Variants in AARS1 observed in about 807,000 individuals in gnomAD.
AARS1 encodes alanine--tRNA ligase, cytoplasmic.
AARS1 carries 72 observed loss-of-function variants against 108.9 expected under a neutral mutation model. The ratio of observed to expected loss-of-function variants is 0.66; its 90% CI spans 0.55 to 0.80. AARS1 has a LOEUF of 0.80. Among genes scored for constraint, AARS1 ranks in the 30% least tolerant of loss-of-function variants. The pLI is 0.00. For synonymous variants in AARS1, 489 were observed against 465.7 expected, an observed-to-expected ratio of 1.05 and a Z score of -0.64; for missense variants, 1,193 against 1,233.2, an observed-to-expected ratio of 0.97 and a Z score of 0.49.
At chr16:70,263,786 G>A (rs1450622871) in intron 11 of AARS1, among the ~76,000 whole-genome samples, 1 of 151,446 alleles carries the variant, frequency 6.6e-6, no homozygotes, top group Non-Finnish European at 1.5e-5. Flanking sequence ...ACAGGCATGC[G>A]CCACCACACC....
At chr16:70,269,124 G>C (rs957692031) in intron 7 of AARS1, among the ~76,000 whole-genome samples, 5 of 151,938 alleles carry the variant, frequency 3.3e-5, no homozygotes, top group African/African-American at 7.2e-5. Context: ...GGGAGTTTGA[G>C]ACCAGCCTGA....
intron 4 of AARS1, among the ~76,000 whole-genome samples, chr16:70,275,723 A>C (rs1399294201): frequency 6.6e-6 from 1 of 151,674 alleles, no homozygotes; most frequent in East Asian, 1.9e-4. Context: ...AGATCGCGCC[A>C]CTGCACTCCA....
intron 14 of AARS1, among the ~76,000 whole-genome samples, 171 bp downstream of exon 14, chr16:70,258,809 C>T (rs1567603182): frequency 6.6e-6 from 1 of 152,194 alleles, no homozygotes; most frequent in Non-Finnish European, 1.5e-5. Context: ...CCCGCCTCGG[C>T]CTCCCAAAGT....
rs1210163050 is a variant in AARS1, at chr16:70,265,601, A to C, written c.1284T>G (p.Ile428Met). 3 of 1,613,926 alleles carry C rather than the reference A, an allele frequency of 1.9e-6. No individual in the cohort carries two copies. Among genetic ancestry groups the C allele is most frequent in the East Asian group, 4.5e-5 (2 of 44,874 alleles). The change falls in exon 10 of 21, where the codon ATT becomes ATG. Residue 428 changes from isoleucine to methionine, a missense_variant. Ile to Met is a conservative substitution (Grantham distance 10). Transcript: ENST00000261772. ...CTACCACCAGGCCCTTCTCTTCAGCAATCAGTCCAGTCAGATCCACTGGAA... is the reference window on the plus strand; with the variant it reads ...CTACCACCAGGCCCTTCTCTTCAGCCATCAGTCCAGTCAGATCCACTGGAA... ...YGFPVDLTGL[I>M]AEEKGLVVDM... is the part of the protein sequence containing the mutation.
intron 1 of AARS1, among the ~76,000 whole-genome samples, chr16:70,285,097 C>T (rs1382506413): frequency 3.3e-5 from 5 of 152,070 alleles, no homozygotes; most frequent in African/African-American, 7.2e-5. Flanking sequence ...GGAATGATGG[C>T]GAGTGCCTGT....
At position 70,252,668 on chromosome 16, in the gene AARS1, G is replaced by C. The variant is rs1315840993; in HGVS notation, c.*53C>G. 6.3e-7 allele frequency: 1 copy of C among 1,589,724 alleles called. No homozygotes were observed. Among genetic ancestry groups the C allele is most frequent in the Non-Finnish European group, 8.6e-7 (1 of 1,159,952 alleles). ...AGATTCAAATGTTCTTGTAGCAGAT[G>C]AAGAGCTCTTGGCTGGACGGATGGA... On this transcript the variant is annotated 3_prime_UTR_variant, in exon 21 of 21. Coordinates refer to ENST00000261772, the MANE Select transcript of AARS1 (RefSeq NM_001605.3).
chr16:70,260,360 G>A (rs201911533), intron 13 of AARS1, among the ~76,000 whole-genome samples: 1 of 152,120 alleles, frequency 6.6e-6, no homozygotes, highest in Non-Finnish European at 1.5e-5. Flanking sequence ...CAGAGCCTCC[G>A]TATCAGCTTG....
At chr16:70,276,830 T>C in intron 3 of AARS1, 136 bp downstream of exon 3, 1 of 1,209,500 alleles carries the variant, frequency 8.3e-7, no homozygotes, top group Non-Finnish European at 1.2e-6. Flanking sequence ...AGTCTTAGAA[T>C]TAATAAATGC....
intron 5 of AARS1, among the ~76,000 whole-genome samples, chr16:70,271,214 C>T (rs80228853): frequency 1.3e-5 from 2 of 151,302 alleles, no homozygotes; most frequent in African/African-American, 4.9e-5. Context: ...CTGAGGCAAG[C>T]TTCAAGGAAA....
At chr16:70,274,930 AAAGT>A (rs1378388190) in intron 4 of AARS1, among the ~76,000 whole-genome samples, 1 of 149,466 alleles carries the variant, frequency 6.7e-6, no homozygotes. Flanking sequence ...AAAACTATAT[AAAGT>A]AAAAAAAAAA....
At chr16:70,260,524 G>A (rs948723041) in intron 13 of AARS1, among the ~76,000 whole-genome samples, 11 of 152,142 alleles carry the variant, frequency 7.2e-5, no homozygotes, top group Non-Finnish European at 1.5e-4. Context: ...ACAAGTCCAC[G>A]GGATCTTAAC....
At chr16:70,260,968 T>C (rs1396788435) in intron 13 of AARS1, 76 bp downstream of exon 13, 19 of 1,210,526 alleles carry the variant, frequency 1.6e-5, no homozygotes, top group Non-Finnish European at 2.2e-5. Context: ...GGCCCAACAG[T>C]GACAGGACAA....
chr16:70,257,281 T>C (rs1406439490), intron 15 of AARS1, among the ~76,000 whole-genome samples: 3 of 149,556 alleles, frequency 2.0e-5, no homozygotes, highest in African/African-American at 7.4e-5. Context: ...TGGCTGGGCA[T>C]GGGGGCACAT....
At chr16:70,258,585 A>G (rs913459813) in intron 14 of AARS1, among the ~76,000 whole-genome samples, 5 of 150,746 alleles carry the variant, frequency 3.3e-5, no homozygotes, top group African/African-American at 9.8e-5. Flanking sequence ...TTTTTTTTTG[A>G]GACGGAGTCT....
intron 2 of AARS1, among the ~76,000 whole-genome samples, chr16:70,279,596 G>T (rs999493923): frequency 6.7e-6 from 1 of 148,714 alleles, no homozygotes. Flanking sequence ...GGAGGCGTAG[G>T]CTGCAGTGAG....
intron 15 of AARS1, 77 bp downstream of exon 15, chr16:70,257,956 T>A (rs901122160): frequency 6.5e-6 from 10 of 1,527,932 alleles, no homozygotes; most frequent in Non-Finnish European, 9.0e-6. Flanking sequence ...CAGACAAGAG[T>A]TGGTCCAGCC....
intron 7 of AARS1, 60 bp from the exon 8 acceptor site, chr16:70,268,439 T>G: frequency 6.9e-7 from 1 of 1,447,446 alleles, no homozygotes; most frequent in Non-Finnish European, 9.7e-7. Flanking sequence ...CTTGAGTCCC[T>G]TGGAATCCTA....
At chr16:70,288,487 C>T (rs945831671) in intron 1 of AARS1, among the ~76,000 whole-genome samples, 1 of 151,762 alleles carries the variant, frequency 6.6e-6, no homozygotes, top group Non-Finnish European at 1.5e-5. Flanking sequence ...TTTCCATACG[C>T]GCTTCATGGA....
chr16:70,284,182 T>TG (rs1960782830), intron 1 of AARS1, among the ~76,000 whole-genome samples: 1 of 151,920 alleles, frequency 6.6e-6, no homozygotes. Context: ...GGCAGGCGCC[T>TG]GTAGTCCCAG....
Sources: gnomAD v4.1 joint callset for allele counts (sites outside exome capture counted in the v4.1 genomes callset) on GRCh38, gnomAD v4.1.1 for gene constraint, MANE v1.5 for transcripts, NCBI Gene and HGNC (gene_info 2026-07-23, HGNC 2026-07-21) for gene names.